Variants in SLC12A6 observed in about 807,000 individuals in gnomAD.
SLC12A6 encodes the protein K-Cl cotransporter 3.
A neutral mutation model predicts 135.3 loss-of-function variants in SLC12A6; 66 were observed. The observed-to-expected ratio is 0.49, with a 90% CI of 0.40 to 0.60. SLC12A6 has a LOEUF of 0.60. Ranked by LOEUF, SLC12A6 falls within the 20% of genes least tolerant of loss-of-function variation. SLC12A6 has a pLI of 0.00. For missense variants in SLC12A6, 1,058 were observed against 1,452.3 expected (o/e 0.73, Z 4.41); for synonymous variants, 513 against 508.8 (o/e 1.01, Z -0.11).
In SLC12A6 at chr15:34,336,349, T is replaced by C. The variant is rs1216999931; in HGVS notation, c.271+61A>G. On this transcript the variant is annotated intron_variant, in intron 2 of 25. Coordinates refer to ENST00000354181, the MANE Select transcript of SLC12A6 (RefSeq NM_001365088.1). ...GATTATGATCTTCCAGATCCATAGA[T>C]GGTCATCTTGGATAAAGAACCCAGT... The C allele has an allele frequency of 4.7e-6, 6 of 1,271,468 alleles. No individual in the cohort carries two copies. The Admixed American group carries it at 6.8e-5, about 14-fold the overall frequency. 78.8% of individuals were successfully genotyped at this position (1,271,468 alleles called of 1,614,324 possible).
chr15:34,283,386 A>G (rs1311376229), intron 2 of SLC12A6, among the ~76,000 whole-genome samples: 2 of 152,132 alleles, frequency 1.3e-5, no homozygotes, highest in Non-Finnish European at 2.9e-5. Flanking sequence ...TTAATAAGAT[A>G]ATTTCAGCTT....
intron 2 of SLC12A6, among the ~76,000 whole-genome samples, chr15:34,321,325 G>A (rs1415067807): frequency 6.6e-6 from 1 of 152,172 alleles, no homozygotes; most frequent in East Asian, 1.9e-4. Flanking sequence ...AAGTAGTACA[G>A]AAAAAGCTGA....
intron 21 of SLC12A6, 61 bp downstream of exon 21, chr15:34,238,168 TCTG>T: frequency 8.7e-7 from 1 of 1,152,918 alleles, no homozygotes; most frequent in Non-Finnish European, 1.3e-6. Flanking sequence ...GAAGAATTTG[TCTG>T]TCCTGTGAAC....
chr15:34,286,532 C>T (rs1001734562), intron 2 of SLC12A6, among the ~76,000 whole-genome samples: 4 of 152,122 alleles, frequency 2.6e-5, no homozygotes, highest in East Asian at 1.9e-4. Flanking sequence ...CAGTGGCTCA[C>T]GCCTGTAATC....
intron 2 of SLC12A6, among the ~76,000 whole-genome samples, chr15:34,288,835 G>A (rs1182203979): frequency 6.6e-6 from 1 of 152,178 alleles, no homozygotes; most frequent in African/African-American, 2.4e-5. Flanking sequence ...CATTGATTTT[G>A]TATCCTGAGA....
Position 34,236,217 on chromosome 15 carries a change from A to G in SLC12A6, c.3043-18T>C, listed in dbSNP as rs181683351. 4.1e-4 allele frequency: 655 copies of G among 1,606,382 alleles called. No homozygotes were observed. The highest frequency in any genetic ancestry group is 5.3e-4 in the Non-Finnish European group (617 of 1,173,072). Reference sequence around the variant, plus strand: ...AATTGTGCCTGAGGAAGAAGGTCCAACACAAGTTATTCTACCAAATTTTCT... The same window carrying G: ...AATTGTGCCTGAGGAAGAAGGTCCAGCACAAGTTATTCTACCAAATTTTCT... On this transcript the variant is annotated intron_variant, in intron 23 of 25. Coordinates refer to ENST00000354181, the MANE Select transcript of SLC12A6 (RefSeq NM_001365088.1).
chr15:34,254,288 C>T (rs1892593820), intron 9 of SLC12A6, 60 bp downstream of exon 9: 26 of 1,500,916 alleles, frequency 1.7e-5, no homozygotes, highest in Non-Finnish European at 1.9e-5. Flanking sequence ...ATTATCACAC[C>T]ACCAGATATT....
chr15:34,278,153 G>A (rs1478914273), intron 2 of SLC12A6, among the ~76,000 whole-genome samples: 2 of 152,168 alleles, frequency 1.3e-5, no homozygotes, highest in Non-Finnish European at 1.5e-5. Flanking sequence ...TCGGCTGGGC[G>A]CAGCGGCTCA....
intron 2 of SLC12A6, among the ~76,000 whole-genome samples, chr15:34,322,061 A>C (rs1185586540): frequency 1.3e-5 from 2 of 152,170 alleles, no homozygotes; most frequent in African/African-American, 2.4e-5. Flanking sequence ...AGGTGCATGC[A>C]TTTATCAAAA....
At chr15:34,248,597 CTG>C (rs1331520420) in intron 13 of SLC12A6, among the ~76,000 whole-genome samples, 1 of 151,068 alleles carries the variant, frequency 6.6e-6, no homozygotes, top group East Asian at 1.9e-4. Flanking sequence ...CACACATATA[CTG>C]TGTTATATAC....
chr15:34,277,669 T>C (rs558592598), intron 2 of SLC12A6, among the ~76,000 whole-genome samples: 1 of 152,292 alleles, frequency 6.6e-6, no homozygotes, highest in Admixed American at 6.5e-5. Flanking sequence ...CCTACTCCAG[T>C]GACTCTAGAG....
At chr15:34,277,461 ATTCTTGCACATAAGACAAAGTAGGAATG>A (rs1363643538) in intron 2 of SLC12A6, among the ~76,000 whole-genome samples, 2 of 152,012 alleles carry the variant, frequency 1.3e-5, no homozygotes, top group South Asian at 2.1e-4. Flanking sequence ...ATATATATAT[ATTCTTGCACATAAGACAAAGTAGGAATG>A]TTCTTGCACA....
rs540395860 is a variant in SLC12A6, at chr15:34,336,821, CCCAA to C, written c.-72-73_-72-70del. On this transcript the variant is annotated intron_variant, in intron 1 of 25. Transcript: ENST00000354181. ...CCTTGATTCACACCACACAAAAAGC[CCCAA>C]CTAAGAATACTTCTACTCAGAATTC... 959 of 729,534 alleles carry C rather than the reference CCCAA, an allele frequency of 1.3e-3. 2 individuals carry two copies. The highest frequency in any genetic ancestry group is 4.0e-3 in the Admixed American group (187 of 47,192). The allele number at this position is 729,534 out of a possible 1,614,324, so 45.2% of individuals were successfully genotyped here. A position where few individuals can be genotyped will look rare whatever the true frequency, so the allele number is the denominator to read the frequency against.
chr15:34,309,540 C>T (rs1049994686), intron 2 of SLC12A6, among the ~76,000 whole-genome samples: 5 of 151,938 alleles, frequency 3.3e-5, no homozygotes, highest in Admixed American at 6.6e-5. Flanking sequence ...TTCTAAAAAG[C>T]CGATGATAAC....
intron 2 of SLC12A6, among the ~76,000 whole-genome samples, chr15:34,305,775 T>A (rs951672527): frequency 4.0e-5 from 6 of 149,476 alleles, no homozygotes; most frequent in African/African-American, 1.5e-4. Context: ...TTTTTTTTTT[T>A]AAAGATGGAG....
At chr15:34,253,371 C>G (rs1387252372) in intron 9 of SLC12A6, among the ~76,000 whole-genome samples, 1 of 152,124 alleles carries the variant, frequency 6.6e-6, no homozygotes, top group African/African-American at 2.4e-5. Flanking sequence ...AATGGAATTT[C>G]CCAAATTGAG....
At chr15:34,263,822 G>C (rs1893318928) in intron 3 of SLC12A6, among the ~76,000 whole-genome samples, 1 of 151,982 alleles carries the variant, frequency 6.6e-6, no homozygotes, top group Non-Finnish European at 1.5e-5. Context: ...ACATCAAAGG[G>C]CACAGAGCCA....
At chr15:34,258,779 T>C in intron 5 of SLC12A6, 34 bp downstream of exon 5, 2 of 1,581,678 alleles carry the variant, frequency 1.3e-6, no homozygotes, top group Non-Finnish European at 1.7e-6. Flanking sequence ...TACAGGGCTC[T>C]TTCTATGTAT....
Position 34,237,663 on chromosome 15 carries a change from C to CTA in SLC12A6, c.2803-115_2803-114dup, listed in dbSNP as rs1358171771. On this transcript the variant is annotated intron_variant, in intron 21 of 25. Transcript: ENST00000354181. ...GAACCTTGCTATATGTAGTATAAGG[C>CTA]TATTTGTTCCTAGCTTCCTACTTGC... 20 of 824,978 alleles carry CTA rather than the reference C, an allele frequency of 2.4e-5. No homozygotes were observed. The Admixed American group carries it at 3.7e-4, about 15-fold the overall frequency. 51.1% of individuals were successfully genotyped at this position (824,978 alleles called of 1,614,324 possible).
Sources: allele counts gnomAD v4.1 joint callset (sites outside exome capture counted in the v4.1 genomes callset), GRCh38; gene constraint gnomAD v4.1.1; transcripts MANE v1.5; gene names NCBI Gene and HGNC (gene_info 2026-07-23, HGNC 2026-07-21).